SHANK2: variants seen among roughly 807,000 people sequenced by gnomAD.
SHANK2 encodes SH3 and multiple ankyrin repeat domains 2, also known as SH3 and multiple ankyrin repeat domains protein 2.
In SHANK2, 43 loss-of-function variants were observed where a neutral mutation model predicts 133.7. That is an observed-to-expected ratio of 0.32 (90% CI 0.25 to 0.41). The LOEUF (loss-of-function observed/expected upper bound fraction) is 0.41, where lower values mean the gene tolerates loss of function less well. Ranked by LOEUF, SHANK2 falls within the 10% of genes least tolerant of loss-of-function variation. The pLI, the probability that SHANK2 is intolerant of heterozygous loss-of-function variation, is 1.00. For synonymous variants in SHANK2, 1,017 were observed against 952.8 expected (o/e 1.07, Z -1.24); for missense variants, 1,994 against 2,235.8 (o/e 0.89, Z 2.18).
chr11:70,495,108 G>A (rs551247260), intron 21 of SHANK2, among the ~76,000 whole-genome samples: 5 of 152,268 alleles, frequency 3.3e-5, no homozygotes, highest in South Asian at 2.1e-4. Context: ...GTCCAGAGCC[G>A]TGCTGTCCTC....
chr11:71,088,690 C>A (rs924942494), intron 8 of SHANK2, among the ~76,000 whole-genome samples: 11 of 145,360 alleles, frequency 7.6e-5, no homozygotes, highest in African/African-American at 2.7e-4. Flanking sequence ...GACTGCACCA[C>A]CCCACCAGGG....
chr11:70,748,730 C>T lies in SHANK2; in HGVS notation c.1777+49713G>A, dbSNP rs370894200. 1.2e-3 allele frequency among the ~76,000 whole-genome samples: 176 copies of T among 152,322 alleles called. 3 individuals are homozygous for T. The highest frequency in any genetic ancestry group is 4.0e-3 in the African/African-American group (166 of 41,572). On this transcript the variant is annotated intron_variant, in intron 14 of 25. Transcript: ENST00000601538. Reference sequence around the variant, plus strand: ...ACTAGAAGAAGGACATTGTTTACAACACAACCGTCTGCATCTCCATGTGAA... The same window carrying T: ...ACTAGAAGAAGGACATTGTTTACAATACAACCGTCTGCATCTCCATGTGAA...
chr11:70,885,194 A>AGGGGAACCGCGT (rs1555073192), intron 11 of SHANK2, among the ~76,000 whole-genome samples: 8 of 151,666 alleles, frequency 5.3e-5, no homozygotes, highest in Admixed American at 2.6e-4. Flanking sequence ...CGCTGTATAG[A>AGGGGAACCGCGT]GGGGAACCGC....
chr11:70,750,558 T>G (rs1316034253), intron 14 of SHANK2, among the ~76,000 whole-genome samples: 2 of 152,128 alleles, frequency 1.3e-5, no homozygotes, highest in African/African-American at 4.8e-5. Flanking sequence ...GGTCCCAGTT[T>G]TTCATCCAGA....
intron 11 of SHANK2, among the ~76,000 whole-genome samples, chr11:70,847,566 G>T (rs1413661985): frequency 4.6e-5 from 7 of 152,214 alleles, no homozygotes; most frequent in Admixed American, 1.3e-4. Flanking sequence ...AATTGCTCTG[G>T]AACGGGGGAC....
chr11:70,770,040 C>G (rs919465152), intron 14 of SHANK2, among the ~76,000 whole-genome samples: 1 of 152,188 alleles, frequency 6.6e-6, no homozygotes, highest in African/African-American at 2.4e-5. Context: ...ATGTACCTTC[C>G]CAGTGGCCCA....
intron 21 of SHANK2, among the ~76,000 whole-genome samples, chr11:70,497,504 C>T (rs1171131706): frequency 6.6e-6 from 1 of 152,164 alleles, no homozygotes; most frequent in African/African-American, 2.4e-5. Context: ...GATGAAGATG[C>T]CCCAGCAGTC....
chr11:70,809,240 C>A (rs150843222), intron 12 of SHANK2, among the ~76,000 whole-genome samples: 1 of 152,206 alleles, frequency 6.6e-6, no homozygotes, highest in Admixed American at 6.5e-5. Context: ...TGCAGGGAAG[C>A]GAGTGGTCTC....
chr11:71,231,901 A>AT (rs1358278637), intron 1 of SHANK2, among the ~76,000 whole-genome samples: 2 of 152,124 alleles, frequency 1.3e-5, no homozygotes, highest in East Asian at 3.9e-4. Flanking sequence ...AAAAAAAAAA[A>AT]AGACAAAGAA....
At chr11:70,740,204 C>T (rs1555034432) in intron 14 of SHANK2, among the ~76,000 whole-genome samples, 1 of 152,180 alleles carries the variant, frequency 6.6e-6, no homozygotes, top group Non-Finnish European at 1.5e-5. Flanking sequence ...ACAGCAGGTG[C>T]TCACTGGACA....
intron 14 of SHANK2, among the ~76,000 whole-genome samples, chr11:70,708,132 G>A (rs1945704621): frequency 6.6e-6 from 1 of 152,216 alleles, no homozygotes; most frequent in Non-Finnish European, 1.5e-5. Context: ...GGCGTCCCTA[G>A]ACCAAGGTCC....
At chr11:71,174,227 CTG>C (rs1283334595) in intron 2 of SHANK2, among the ~76,000 whole-genome samples, 1 of 152,220 alleles carries the variant, frequency 6.6e-6, no homozygotes, top group African/African-American at 2.4e-5. Flanking sequence ...AACACAGTAT[CTG>C]TGACTGGAAA....
At chr11:70,657,459 C>T (rs577873502) in intron 17 of SHANK2, among the ~76,000 whole-genome samples, 45 of 152,322 alleles carry the variant, frequency 3.0e-4, no homozygotes, top group African/African-American at 1.0e-3. Flanking sequence ...AGGAACACAA[C>T]TCAATGGAAT....
intron 17 of SHANK2, among the ~76,000 whole-genome samples, chr11:70,557,703 C>A: frequency 6.6e-6 from 1 of 152,296 alleles, no homozygotes; most frequent in East Asian, 1.9e-4. Flanking sequence ...AAGCAGAAAG[C>A]CCCCTGACCT....
At chr11:70,855,343 T>G (rs186750140) in intron 11 of SHANK2, among the ~76,000 whole-genome samples, 32 of 152,376 alleles carry the variant, frequency 2.1e-4, no homozygotes, top group South Asian at 4.1e-4. Flanking sequence ...TGTTGGGTTC[T>G]GGGCAAATTG....
intron 6 of SHANK2, among the ~76,000 whole-genome samples, chr11:71,108,513 T>G (rs1307382677): frequency 6.6e-6 from 1 of 152,000 alleles, no homozygotes; most frequent in Admixed American, 6.6e-5. Flanking sequence ...CCCTCTCCCC[T>G]TCTCCAGATG....
At chr11:71,138,286 A>G (rs1555105160) in intron 3 of SHANK2, among the ~76,000 whole-genome samples, 1 of 152,246 alleles carries the variant, frequency 6.6e-6, no homozygotes, top group East Asian at 1.9e-4. Flanking sequence ...GAGGATGAGG[A>G]GCCAGCCCCA....
chr11:70,483,960 T>C (rs1468421058), intron 25 of SHANK2, among the ~76,000 whole-genome samples: 2 of 152,236 alleles, frequency 1.3e-5, no homozygotes, highest in Non-Finnish European at 2.9e-5. Context: ...GAGCCCCAGC[T>C]GTATGTGATG....
chr11:70,560,275 A>C (rs1378443085), intron 17 of SHANK2, among the ~76,000 whole-genome samples: 3 of 152,212 alleles, frequency 2.0e-5, no homozygotes, highest in Non-Finnish European at 4.4e-5. Context: ...AAATTCGAAA[A>C]TACCTCTACC....
Sources: allele counts gnomAD v4.1 joint callset (sites outside exome capture counted in the v4.1 genomes callset), GRCh38; gene constraint gnomAD v4.1.1; transcripts MANE v1.5; gene names NCBI Gene and HGNC (gene_info 2026-07-23, HGNC 2026-07-21).